Variants in TNFRSF11A observed in about 807,000 individuals in gnomAD.
TNFRSF11A encodes TNF receptor superfamily member 11a.
In TNFRSF11A, 32 loss-of-function variants were observed where a neutral mutation model predicts 55.7. That is an observed-to-expected ratio of 0.57 (90% CI 0.43 to 0.77). The LOEUF (loss-of-function observed/expected upper bound fraction) is 0.77, where lower values mean the gene tolerates loss of function less well. TNFRSF11A is among the 30% of genes least tolerant of loss of function. The pLI, the probability that TNFRSF11A is intolerant of heterozygous loss-of-function variation, is 0.00. For missense variants in TNFRSF11A, 753 were observed against 809.8 expected (o/e 0.93, Z 0.85); for synonymous variants, 311 against 331.0 (o/e 0.94, Z 0.65).
intron 3 of TNFRSF11A, among the ~76,000 whole-genome samples, chr18:62,353,491 G>C (rs750060849): frequency 1.3e-4 from 20 of 152,122 alleles, no homozygotes; most frequent in South Asian, 4.1e-4. Flanking sequence ...GCAGAGCATC[G>C]ATTACCCAAC....
chr18:62,367,857 A>G (rs997587049), intron 8 of TNFRSF11A, among the ~76,000 whole-genome samples: 12 of 132,684 alleles, frequency 9.0e-5, no homozygotes, highest in African/African-American at 3.5e-4. Context: ...GCAATGGCGC[A>G]ATCTCGGCTC....
At chr18:62,333,780 G>A (rs538429654) in intron 1 of TNFRSF11A, among the ~76,000 whole-genome samples, 12 of 152,274 alleles carry the variant, frequency 7.9e-5, no homozygotes, top group African/African-American at 2.6e-4. Context: ...TTTGGTATTT[G>A]GGGACACCCA....
chr18:62,337,602 C>A (rs1396861195), intron 1 of TNFRSF11A, among the ~76,000 whole-genome samples: 1 of 152,188 alleles, frequency 6.6e-6, no homozygotes, highest in Non-Finnish European at 1.5e-5. Context: ...CTGGCACGTG[C>A]TGTACATTTG....
At position 62,369,346 on chromosome 18, in the gene TNFRSF11A, G is replaced by T. The variant is rs1910352246; in HGVS notation, c.1429G>T (p.Gly477Cys). 1.2e-6 allele frequency: 2 copies of T among 1,609,934 alleles called. No individual in the cohort carries two copies. Among genetic ancestry groups the T allele is most frequent in the African/African-American group, 2.7e-5 (2 of 74,862 alleles). Residue 477 changes from glycine (G) to cysteine (C), a missense_variant, in exon 9 of 10, where the codon GGC (glycine) becomes TGC (cysteine). Coordinates refer to ENST00000586569, the MANE Select transcript of TNFRSF11A (RefSeq NM_003839.4). ...GPLPQCAYGM[G>C]LPPEEEASRT... ...CTTGCCCCAGTGCGCCTATGGCATG[G>T]GCCTTCCCCCTGAAGAAGAAGCCAG...
At chr18:62,380,597 C>A (rs1162881486) in intron 9 of TNFRSF11A, among the ~76,000 whole-genome samples, 1 of 151,748 alleles carries the variant, frequency 6.6e-6, no homozygotes, top group Admixed American at 6.6e-5. Context: ...CCACCACACC[C>A]AGCTAATTTT....
At chr18:62,358,038 A>G (rs1003796680) in intron 4 of TNFRSF11A, 1 of 572,926 alleles carries the variant, frequency 1.7e-6, no homozygotes, top group African/African-American at 1.9e-5. Flanking sequence ...TCCATAACTC[A>G]CTGCTGGGGT....
intron 9 of TNFRSF11A, among the ~76,000 whole-genome samples, chr18:62,377,801 G>C (rs1035645921): frequency 6.6e-6 from 1 of 152,186 alleles, no homozygotes; most frequent in East Asian, 1.9e-4. Flanking sequence ...TCCTTTGTCA[G>C]ATGTGGCTTT....
rs935264381 is a variant in TNFRSF11A, at chr18:62,375,052, G to A, written c.1567+5568G>A. 5.4e-5 allele frequency among the ~76,000 whole-genome samples: 8 copies of A among 149,420 alleles called. No individual in the cohort carries two copies. The South Asian group carries it at 1.3e-3, about 24-fold the overall frequency. The stretch of plus-strand genomic sequence containing the variant: ...CCCGAGTAGCTGGGACAACAGGCCT[G>A]TACCACCACACCCTGCTAATTTTTG... On this transcript the variant is annotated intron_variant, in intron 9 of 9. Coordinates refer to ENST00000586569, the MANE Select transcript of TNFRSF11A (RefSeq NM_003839.4).
rs1568502131 is a variant in TNFRSF11A, at chr18:62,386,657, A to G, written c.*1623A>G. The stretch of plus-strand genomic sequence containing the variant: ...AAAGCACTAATAGTAGTCACTGCCC[A>G]GACTTTACTGGCCACAAATGCCCAG... On this transcript the variant is annotated 3_prime_UTR_variant, in exon 10 of 10. Coordinates refer to ENST00000586569, the MANE Select transcript of TNFRSF11A (RefSeq NM_003839.4). 1 of 152,238 alleles carries G rather than the reference A, an allele frequency of 6.6e-6. No individual in the cohort carries two copies. Among genetic ancestry groups the G allele is most frequent in the Admixed American group, 6.5e-5 (1 of 15,282 alleles). 9.4% of individuals were successfully genotyped at this position (152,238 alleles called of 1,614,324 possible).
In TNFRSF11A at chr18:62,384,873, GA is replaced by G; in HGVS notation, c.1691del (p.Glu564GlyfsTer112). Reference sequence around the variant, plus strand: ...GCAGGAGGGCGCGGCGGCGGCTGCGGAGCCCATGGGCCGCCCGGTGCAGGAG... The same window carrying G: ...GCAGGAGGGCGCGGCGGCGGCTGCGGGCCCATGGGCCGCCCGGTGCAGGAG... The part of the protein sequence containing the change: ...TSQEGAAAAA[E>X]PMGRPVQEET... On this transcript the variant is annotated frameshift_variant, in exon 10 of 10. Coordinates refer to ENST00000586569, the MANE Select transcript of TNFRSF11A (RefSeq NM_003839.4). LOFTEE classifies it low-confidence loss of function (END_TRUNC). The G allele has an allele frequency of 6.3e-7, 1 of 1,598,176 alleles. No individual in the cohort carries two copies. Among genetic ancestry groups the G allele is most frequent in the South Asian group, 1.1e-5 (1 of 88,428 alleles).
At chr18:62,337,309 A>G (rs1476028385) in intron 1 of TNFRSF11A, among the ~76,000 whole-genome samples, 2 of 152,190 alleles carry the variant, frequency 1.3e-5, no homozygotes, top group African/African-American at 4.8e-5. Context: ...TCTAGTGGCA[A>G]AGGTGGTAAT....
chr18:62,346,116 G>A (rs748596596), intron 1 of TNFRSF11A, among the ~76,000 whole-genome samples: 9 of 152,214 alleles, frequency 5.9e-5, no homozygotes, highest in Non-Finnish European at 1.3e-4. Flanking sequence ...CTTTCTGTGT[G>A]TAGAACACAA....
In TNFRSF11A at chr18:62,349,696, G is replaced by T. The variant is rs556165810; in HGVS notation, c.158-116G>T. On this transcript the variant is annotated intron_variant, in intron 2 of 9. Transcript: ENST00000586569. ...CTTTGGGGGGTGTCCTGGGATCATG[G>T]GCACCAATGATTATTGGTCCCATAG... The T allele has an allele frequency of 5.8e-6, 7 of 1,202,164 alleles. No individual in the cohort carries two copies. In the African/African-American group the frequency reaches 1.1e-4, roughly 18 times the overall value. The allele number at this position is 1,202,164 out of a possible 1,614,324, so 74.5% of individuals were successfully genotyped here. A position where few individuals can be genotyped will look rare whatever the true frequency, so the allele number is the denominator to read the frequency against.
chr18:62,347,547 G>A (rs1600372946), intron 1 of TNFRSF11A, among the ~76,000 whole-genome samples: 2 of 152,152 alleles, frequency 1.3e-5, no homozygotes, highest in African/African-American at 4.8e-5. Context: ...GGTAGTGAGG[G>A]CAGAGCCCAG....
At chr18:62,332,946 A>G (rs2046176618) in intron 1 of TNFRSF11A, among the ~76,000 whole-genome samples, 1 of 152,204 alleles carries the variant, frequency 6.6e-6, no homozygotes, top group Non-Finnish European at 1.5e-5. Flanking sequence ...AGATGCCTCT[A>G]GGACACAGGC....
Position 62,384,076 on chromosome 18 carries a change from C to CACAA in TNFRSF11A, c.1568-673_1568-670dup, listed in dbSNP as rs1290563082. Reference sequence around the variant, plus strand: ...ACACACACACACACACACACACACACACAAATACACATACACTCTCTCTCT... The same window carrying CACAA: ...ACACACACACACACACACACACACACACAAACAAATACACATACACTCTCTCTCT... On this transcript the variant is annotated intron_variant, in intron 9 of 9. Transcript: ENST00000586569. 2.0e-5 allele frequency among the ~76,000 whole-genome samples: 3 copies of CACAA among 150,974 alleles called. No individual in the cohort carries two copies. In the South Asian group the frequency reaches 6.3e-4, roughly 32 times the overall value.
intron 3 of TNFRSF11A, among the ~76,000 whole-genome samples, chr18:62,351,723 C>T (rs1315778948): frequency 6.6e-6 from 1 of 152,188 alleles, no homozygotes; most frequent in Non-Finnish European, 1.5e-5. Context: ...TCTTAATCAT[C>T]CAGCATTCTC....
At chr18:62,381,745 T>C (rs574467385) in intron 9 of TNFRSF11A, among the ~76,000 whole-genome samples, 1 of 152,246 alleles carries the variant, frequency 6.6e-6, no homozygotes, top group Non-Finnish European at 1.5e-5. Context: ...AAATTGCTTA[T>C]TTTATTAAAT....
At chr18:62,328,520 T>C (rs947787508) in intron 1 of TNFRSF11A, among the ~76,000 whole-genome samples, 2 of 152,232 alleles carry the variant, frequency 1.3e-5, no homozygotes, top group African/African-American at 4.8e-5. Flanking sequence ...TGAACTTTTA[T>C]AGTTTTGAGG....
Sources: allele counts gnomAD v4.1 joint callset (sites outside exome capture counted in the v4.1 genomes callset), GRCh38; gene constraint gnomAD v4.1.1; transcripts MANE v1.5; gene names NCBI Gene and HGNC (gene_info 2026-07-23, HGNC 2026-07-21).